The following SDK1 variants were observed in gnomAD, a reference collection of about 807,000 sequenced individuals.
SDK1 encodes protein sidekick-1.
In SDK1, 157 loss-of-function variants were observed where a neutral mutation model predicts 245.5. The observed-to-expected ratio is 0.64, with a 90% CI of 0.56 to 0.73. SDK1 has a LOEUF of 0.73. SDK1 is among the 30% of genes least tolerant of loss of function. SDK1 has a pLI of 0.00. For missense variants in SDK1, 3,583 were observed against 3,002.3 expected (o/e 1.19, Z -4.52); for synonymous variants, 1,647 against 1,278.5 (o/e 1.29, Z -6.15).
intron 1 of SDK1, among the ~76,000 whole-genome samples, chr7:3,321,007 AT>A (rs1314520517): frequency 2.0e-5 from 3 of 152,068 alleles, no homozygotes; most frequent in Non-Finnish European, 4.4e-5. Flanking sequence ...CAGTTTCTGT[AT>A]TTTTCTTCTG....
At chr7:3,347,282 C>T (rs1723108783) in intron 1 of SDK1, among the ~76,000 whole-genome samples, 1 of 151,966 alleles carries the variant, frequency 6.6e-6, no homozygotes, top group African/African-American at 2.4e-5. Context: ...CACATATCTT[C>T]TTATACTCTT....
At chr7:3,430,678 TTGAC>T (rs777586247) in intron 1 of SDK1, among the ~76,000 whole-genome samples, 1 of 152,194 alleles carries the variant, frequency 6.6e-6, no homozygotes, top group Non-Finnish European at 1.5e-5. Flanking sequence ...CAGAATGACA[TTGAC>T]TGACCCAACT....
chr7:3,951,986 C>T, intron 7 of SDK1, 66 bp downstream of exon 7: 1 of 1,435,722 alleles, frequency 7.0e-7, no homozygotes. Context: ...GACTCTTCTG[C>T]AGAAACAAAA....
At position 3,522,880 on chromosome 7, in the gene SDK1, C is replaced by T. The variant is rs143202746; in HGVS notation, c.299-96200C>T. Reference sequence around the variant, plus strand: ...AGTGAGTATGGCCAGCCTTTGTCTGCGGAGATCTGATTAGTTTGTTAAATT... The same window carrying T: ...AGTGAGTATGGCCAGCCTTTGTCTGTGGAGATCTGATTAGTTTGTTAAATT... On this transcript the variant is annotated intron_variant, in intron 1 of 44. Coordinates refer to ENST00000404826, the MANE Select transcript of SDK1 (RefSeq NM_152744.4). Among the ~76,000 whole-genome samples, 43 of 66,150 alleles carry T rather than the reference C, an allele frequency of 6.5e-4. No individual in the cohort carries two copies. The East Asian group carries it at 8.7e-3, about 13-fold the overall frequency. The allele number at this position is 66,150 out of a possible 152,430, so 43.4% of individuals were successfully genotyped here.
chr7:4,176,731 A>G (rs1782237726), intron 34 of SDK1, among the ~76,000 whole-genome samples: 1 of 152,176 alleles, frequency 6.6e-6, no homozygotes, highest in South Asian at 2.1e-4. Flanking sequence ...AAGGGGAATC[A>G]TGTAGTATTT....
intron 5 of SDK1, among the ~76,000 whole-genome samples, chr7:3,887,435 C>A (rs1444302761): frequency 1.3e-5 from 2 of 152,164 alleles, no homozygotes; most frequent in African/African-American, 4.8e-5. Context: ...GCATGTTTCC[C>A]AGTAGAGAAG....
chr7:3,526,763 A>G (rs563865378), intron 1 of SDK1, among the ~76,000 whole-genome samples: 41 of 152,252 alleles, frequency 2.7e-4, no homozygotes, highest in African/African-American at 8.2e-4. Context: ...GCGAAGAGCC[A>G]TGGATGGTCT....
intron 1 of SDK1, among the ~76,000 whole-genome samples, chr7:3,597,164 C>T (rs1044677230): frequency 6.7e-6 from 1 of 150,270 alleles, no homozygotes; most frequent in African/African-American, 2.5e-5. Flanking sequence ...CCCAGCTACT[C>T]AGGAGGCCGA....
chr7:3,493,337 T>C (rs1421965118), intron 1 of SDK1, among the ~76,000 whole-genome samples: 1 of 152,228 alleles, frequency 6.6e-6, no homozygotes, highest in Non-Finnish European at 1.5e-5. Flanking sequence ...TCTTCACAGC[T>C]AAACTCTACC....
intron 1 of SDK1, among the ~76,000 whole-genome samples, chr7:3,491,823 C>G (rs1583942514): frequency 6.6e-6 from 1 of 152,120 alleles, no homozygotes; most frequent in Admixed American, 6.5e-5. Flanking sequence ...ATTATGTAAT[C>G]AAAGTATAAA....
chr7:4,202,789 C>T (rs1783966940), intron 35 of SDK1, among the ~76,000 whole-genome samples: 1 of 152,188 alleles, frequency 6.6e-6, no homozygotes, highest in African/African-American at 2.4e-5. Flanking sequence ...ATTTGAGTCA[C>T]ACCGGTGCCT....
chr7:4,244,254 G>A (rs991381272), intron 43 of SDK1, among the ~76,000 whole-genome samples: 1 of 152,160 alleles, frequency 6.6e-6, no homozygotes, highest in African/African-American at 2.4e-5. Context: ...CACTTCCTCT[G>A]TAGCTGCCAC....
chr7:3,686,802 T>C (rs1294375356), intron 4 of SDK1, among the ~76,000 whole-genome samples: 1 of 152,102 alleles, frequency 6.6e-6, no homozygotes, highest in East Asian at 1.9e-4. Flanking sequence ...GGAAAGCATT[T>C]AGTTAATTTT....
intron 17 of SDK1, among the ~76,000 whole-genome samples, chr7:4,031,208 C>G (rs533921088): frequency 6.6e-6 from 1 of 152,134 alleles, no homozygotes; most frequent in African/African-American, 2.4e-5. Flanking sequence ...TCTGTACATC[C>G]TCACACATAC....
intron 13 of SDK1, among the ~76,000 whole-genome samples, chr7:3,986,440 C>A (rs1399055251): frequency 6.6e-6 from 1 of 152,230 alleles, no homozygotes; most frequent in Non-Finnish European, 1.5e-5. Context: ...TCGCTCATAA[C>A]TCTAAATGGC....
chr7:3,573,650 T>C (rs1408301849), intron 1 of SDK1, among the ~76,000 whole-genome samples: 1 of 152,006 alleles, frequency 6.6e-6, no homozygotes, highest in Non-Finnish European at 1.5e-5. Context: ...CAAATGATCT[T>C]CTTCCCAGGA....
chr7:3,658,358 GTCAA>G (rs1379083702), intron 4 of SDK1, among the ~76,000 whole-genome samples: 2 of 152,016 alleles, frequency 1.3e-5, no homozygotes, highest in Non-Finnish European at 2.9e-5. Context: ...CTTTCCTCCA[GTCAA>G]TCAGTGAGCA....
In SDK1 at chr7:4,265,597, T is replaced by A; in HGVS notation, c.*213T>A. ...GTAACTTCGCTGCAGGAAGCAGGTT[T>A]GTTTCTTTTTCTTTTCTTTTTAAGA... On this transcript the variant is annotated 3_prime_UTR_variant, in exon 45 of 45. Coordinates refer to ENST00000404826, the MANE Select transcript of SDK1 (RefSeq NM_152744.4). 7.5e-7 allele frequency: 1 copy of A among 1,340,818 alleles called. No homozygotes were observed. The highest frequency in any genetic ancestry group is 3.0e-5 in the East Asian group (1 of 32,996). The allele number at this position is 1,340,818 out of a possible 1,614,324, so 83.1% of individuals were successfully genotyped here.
intron 4 of SDK1, among the ~76,000 whole-genome samples, chr7:3,657,391 C>T (rs994484984): frequency 1.3e-5 from 2 of 152,122 alleles, no homozygotes; most frequent in East Asian, 3.9e-4. Flanking sequence ...CCGGGTGGGG[C>T]ACAGCACACC....
Sources: allele counts gnomAD v4.1 joint callset (sites outside exome capture counted in the v4.1 genomes callset), GRCh38; gene constraint gnomAD v4.1.1; transcripts MANE v1.5; gene names NCBI Gene and HGNC (gene_info 2026-07-23, HGNC 2026-07-21).